Variants in XKR9 observed in about 807,000 individuals in gnomAD.
XKR9 encodes XK related 9, also known as XK-related protein 9.
In XKR9, 32 loss-of-function variants were observed where a neutral mutation model predicts 32.0. The ratio of observed to expected loss-of-function variants is 1.00; its 90% confidence interval spans 0.76 to 1.34. The LOEUF is 1.34. XKR9 is among the 40% of genes most tolerant of loss of function. The pLI is 0.00. For missense variants in XKR9, 546 were observed against 429.7 expected, an observed-to-expected ratio of 1.27 and a Z score of -2.39; for synonymous variants, 168 against 143.4, an observed-to-expected ratio of 1.17 and a Z score of -1.22.
chr8:71,054,919 A>G, the XKR9 span, among the ~76,000 whole-genome samples: 3 of 152,328 alleles, frequency 2.0e-5, no homozygotes, highest in Non-Finnish European at 2.9e-5. Context: ...ATGTTTCTCA[A>G]TCAGACTTTC....
the XKR9 span, among the ~76,000 whole-genome samples, chr8:70,801,124 A>G: frequency 6.6e-6 from 1 of 151,852 alleles, no homozygotes; most frequent in African/African-American, 2.4e-5. Context: ...TCTTTCAAGG[A>G]ACCAACTCAT....
the XKR9 span, among the ~76,000 whole-genome samples, chr8:70,910,091 T>TG: frequency 2.4e-3 from 366 of 149,718 alleles, 3 homozygotes; most frequent in African/African-American, 8.6e-3. Flanking sequence ...CTGAACCCTG[T>TG]GGGGAAAAAA....
intron 2 of XKR9, among the ~76,000 whole-genome samples, chr8:70,748,796 G>T (rs1020789299): frequency 2.2e-4 from 34 of 152,270 alleles, no homozygotes; most frequent in African/African-American, 8.2e-4. Context: ...TTCCAGGCTT[G>T]CCCATGGCTG....
At chr8:70,696,001 T>C (rs1012773895) in intron 3 of XKR9, among the ~76,000 whole-genome samples, 4 of 152,042 alleles carry the variant, frequency 2.6e-5, no homozygotes, top group Admixed American at 2.6e-4. Context: ...TGTCTGTTCA[T>C]GTCCTTCGCC....
intron 3 of XKR9, among the ~76,000 whole-genome samples, chr8:70,685,790 T>A (rs1452735329): frequency 7.4e-6 from 1 of 135,934 alleles, no homozygotes; most frequent in East Asian, 2.4e-4. Flanking sequence ...TGCTAAATGA[T>A]GAGTTAATGG....
At chr8:70,951,143 G>A in the XKR9 span, among the ~76,000 whole-genome samples, 1 of 152,204 alleles carries the variant, frequency 6.6e-6, no homozygotes, top group Non-Finnish European at 1.5e-5. Context: ...AAAGGGCCTG[G>A]AGGGCTCAAC....
the XKR9 span, among the ~76,000 whole-genome samples, chr8:70,927,345 T>G: frequency 6.6e-6 from 1 of 152,118 alleles, no homozygotes; most frequent in South Asian, 2.1e-4. Flanking sequence ...AAGTCAGAAA[T>G]GCAGGGCAGT....
the XKR9 span, among the ~76,000 whole-genome samples, chr8:70,934,597 C>A: frequency 6.6e-6 from 1 of 151,992 alleles, no homozygotes; most frequent in African/African-American, 2.4e-5. Flanking sequence ...GACCAAACAA[C>A]ACAATAAAGT....
intron 2 of XKR9, among the ~76,000 whole-genome samples, chr8:70,767,136 C>G (rs1036777671): frequency 1.3e-5 from 2 of 152,154 alleles, no homozygotes; most frequent in Non-Finnish European, 2.9e-5. Flanking sequence ...GGAGGAGTCC[C>G]TCTTTTTCTA....
the XKR9 span, among the ~76,000 whole-genome samples, chr8:71,034,149 T>A: frequency 0.43 from 65,615 of 151,950 alleles, 15,257 homozygotes; most frequent in East Asian, 0.92. Context: ...ACCCAAATCT[T>A]ATCTTGAATT....
At chr8:70,899,069 A>T in the XKR9 span, among the ~76,000 whole-genome samples, 9 of 152,266 alleles carry the variant, frequency 5.9e-5, no homozygotes, top group African/African-American at 2.2e-4. Context: ...GTGCACCACT[A>T]TGCCTAGCTA....
chr8:70,729,002 C>A (rs527377144), intron 4 of XKR9, among the ~76,000 whole-genome samples: 2 of 152,124 alleles, frequency 1.3e-5, no homozygotes, highest in Non-Finnish European at 2.9e-5. Flanking sequence ...CTTTACTTAC[C>A]ACAGATCAGG....
chr8:70,989,829 G>A, the XKR9 span, among the ~76,000 whole-genome samples: 121 of 152,252 alleles, frequency 7.9e-4, 1 homozygote, highest in East Asian at 0.02. Context: ...CCATTAAGCA[G>A]TAAGTTTCTG....
chr8:70,735,095 A>G lies in XKR9; in HGVS notation c.*671A>G, dbSNP rs1806821127. ...TAAATCATATTTTAAAATTATTTTT[A>G]TTTTTAAAAAATTATGGTAAAAACA... is the stretch of plus-strand genomic sequence containing the variant. On this transcript the variant is annotated 3_prime_UTR_variant, in exon 5 of 5. Coordinates refer to ENST00000408926, the MANE Select transcript of XKR9 (RefSeq NM_001011720.2). 6.6e-6 allele frequency: 1 copy of G among 152,080 alleles called. No individual in the cohort carries two copies. Among genetic ancestry groups the G allele is most frequent in the Non-Finnish European group, 1.5e-5 (1 of 67,998 alleles). 9.4% of individuals were successfully genotyped at this position (152,080 alleles called of 1,614,324 possible). A position where few individuals can be genotyped will look rare whatever the true frequency, so the allele number is the denominator to read the frequency against.
At chr8:70,981,052 T>C in the XKR9 span, among the ~76,000 whole-genome samples, 5 of 152,234 alleles carry the variant, frequency 3.3e-5, no homozygotes, top group African/African-American at 1.2e-4. Context: ...CTGATGCTTT[T>C]GCCTGACAGC....
the XKR9 span, among the ~76,000 whole-genome samples, chr8:70,893,355 G>A: frequency 6.6e-6 from 1 of 151,828 alleles, no homozygotes; most frequent in African/African-American, 2.4e-5. Context: ...TTTTCATTGG[G>A]TTCTCTTACT....
the XKR9 span, among the ~76,000 whole-genome samples, chr8:70,859,251 T>G: frequency 1.3e-5 from 2 of 152,062 alleles, no homozygotes; most frequent in East Asian, 3.9e-4. Context: ...ATGAAAAAAT[T>G]TACCACATTC....
At chr8:70,828,613 C>T in the XKR9 span, among the ~76,000 whole-genome samples, 1 of 151,710 alleles carries the variant, frequency 6.6e-6, no homozygotes, top group East Asian at 2.0e-4. Flanking sequence ...AATTCAGCTA[C>T]TAGAGAGGCT....
intron 3 of XKR9, among the ~76,000 whole-genome samples, chr8:70,694,661 C>T (rs1805197301): frequency 6.6e-6 from 1 of 152,170 alleles, no homozygotes; most frequent in Non-Finnish European, 1.5e-5. Flanking sequence ...CGCCCCTCCT[C>T]CCAGGAGTGC....
Sources: allele counts gnomAD v4.1 joint callset (sites outside exome capture counted in the v4.1 genomes callset), GRCh38; gene constraint gnomAD v4.1.1; transcripts MANE v1.5; gene names NCBI Gene and HGNC (gene_info 2026-07-23, HGNC 2026-07-21).